The following PDE6A variants were observed in gnomAD, a reference collection of about 807,000 sequenced individuals.
The protein encoded by PDE6A is phosphodiesterase 6A, also known as rod cGMP-specific 3',5'-cyclic phosphodiesterase subunit alpha.
Under a neutral mutation model 106.3 loss-of-function variants are expected in PDE6A, and 84 were observed. That is an observed-to-expected ratio of 0.79 (90% CI 0.66 to 0.95). The LOEUF (loss-of-function observed/expected upper bound fraction) is 0.95, where lower values mean the gene tolerates loss of function less well. PDE6A is among the 40% of genes least tolerant of loss of function. PDE6A has a pLI of 0.00. For missense variants in PDE6A, 1,052 were observed against 1,084.9 expected (o/e 0.97, Z 0.43); for synonymous variants, 394 against 386.6 (o/e 1.02, Z -0.23).
At chr5:149,861,443 GT>G (rs1460051698) in intron 21 of PDE6A, among the ~76,000 whole-genome samples, 3 of 152,250 alleles carry the variant, frequency 2.0e-5, no homozygotes, top group Admixed American at 2.0e-4. Flanking sequence ...GAGCCCAAGA[GT>G]TGGAGGCCAA....
intron 8 of PDE6A, 130 bp from the exon 9 acceptor site, chr5:149,899,654 T>A: frequency 1.1e-6 from 1 of 908,508 alleles, no homozygotes; most frequent in East Asian, 2.4e-5. Flanking sequence ...TCATTGGATT[T>A]CGCATGAGTT....
intron 4 of PDE6A, among the ~76,000 whole-genome samples, chr5:149,925,428 G>T (rs1420575883): frequency 6.6e-6 from 1 of 152,140 alleles, no homozygotes; most frequent in Non-Finnish European, 1.5e-5. Flanking sequence ...GAGAGAGTTA[G>T]CCAGGCAGTG....
chr5:149,943,631 T>A (rs1038901264), intron 1 of PDE6A, among the ~76,000 whole-genome samples: 1 of 152,212 alleles, frequency 6.6e-6, no homozygotes, highest in Non-Finnish European at 1.5e-5. Context: ...GATAATGGTG[T>A]CGTATCCACA....
chr5:149,917,505 G>A (rs1338723005), intron 5 of PDE6A, among the ~76,000 whole-genome samples: 1 of 152,140 alleles, frequency 6.6e-6, no homozygotes, highest in African/African-American at 2.4e-5. Flanking sequence ...ATAAGGGAGA[G>A]GCTCTGCTGC....
rs919752027 is a variant in PDE6A, at chr5:149,863,578, T to C, written c.2359-312A>G. The stretch of plus-strand genomic sequence containing the variant: ...CTCCAAGCAATCCAAATCTCTTAGT[T>C]CCTGGAGTGTGTCCTCCATTCTGTG... On this transcript the variant is annotated intron_variant, in intron 20 of 21. Transcript: ENST00000255266. This position sits in a 1 kb window ranked among gnomAD's most constrained non-coding sequence, Gnocchi z 4.7. Among the ~76,000 whole-genome samples, 2 of 151,884 alleles carry C rather than the reference T, an allele frequency of 1.3e-5. No individual in the cohort carries two copies. Among genetic ancestry groups the C allele is most frequent in the Admixed American group, 1.3e-4 (2 of 15,248 alleles).
At chr5:149,930,219 G>A (rs540649076) in intron 4 of PDE6A, among the ~76,000 whole-genome samples, 2 of 152,328 alleles carry the variant, frequency 1.3e-5, no homozygotes, top group Admixed American at 6.5e-5. Flanking sequence ...TGCCAAGTTT[G>A]GGAGCCTCTG....
intron 1 of PDE6A, 26 bp downstream of exon 1, chr5:149,944,174 C>CCT (rs1176885208): frequency 1.9e-6 from 3 of 1,557,012 alleles, no homozygotes; most frequent in Non-Finnish European, 2.7e-6. Context: ...TGCCCCATGC[C>CCT]CTCTCTCTCA....
chr5:149,900,471 T>C (rs1360253648), intron 8 of PDE6A, among the ~76,000 whole-genome samples: 6 of 148,046 alleles, frequency 4.1e-5, no homozygotes, highest in Admixed American at 3.5e-4. Context: ...GCACAGATCT[T>C]GTCCTCAGGT....
chr5:149,864,868 C>A (rs917020855), intron 20 of PDE6A, among the ~76,000 whole-genome samples: 2 of 152,138 alleles, frequency 1.3e-5, no homozygotes, highest in African/African-American at 4.8e-5. Flanking sequence ...TAATACCTAC[C>A]CCACAGTGTG....
chr5:149,862,362 T>C (rs1371585143), intron 21 of PDE6A, among the ~76,000 whole-genome samples: 1 of 152,204 alleles, frequency 6.6e-6, no homozygotes, highest in Non-Finnish European at 1.5e-5. Flanking sequence ...GAGGATGTCA[T>C]ATAAGATAGT....
At position 149,884,798 on chromosome 5, in the gene PDE6A, T is replaced by G; in HGVS notation, c.1908A>C (p.Lys636Asn). 2 of 1,614,124 alleles carry G rather than the reference T, an allele frequency of 1.2e-6. No homozygotes were observed. Among genetic ancestry groups the G allele is most frequent in the Non-Finnish European group, 1.7e-6 (2 of 1,180,000 alleles). ...ILERHHLEFG[K>N]TLLRDESLNI... Reference sequence around the variant, plus strand: ...ATCCTACCTCGTCTCTGAGCAGTGTTTTGCCAAACTCCAAGTGGTGTCTTT... The same window carrying G: ...ATCCTACCTCGTCTCTGAGCAGTGTGTTGCCAAACTCCAAGTGGTGTCTTT... The change falls in exon 15 of 22, where the codon AAA becomes AAC. Residue 636 changes from lysine to asparagine, a missense_variant. Lys to Asn is a moderately conservative substitution (Grantham distance 94). Coordinates refer to ENST00000255266, the MANE Select transcript of PDE6A (RefSeq NM_000440.3).
chr5:149,934,036 A>C lies in PDE6A; in HGVS notation c.628-17T>G. On this transcript the variant is annotated splice_polypyrimidine_tract_variant and intron_variant, in intron 2 of 21. Transcript: ENST00000255266. The stretch of plus-strand genomic sequence containing the variant: ...GAGAAGAATCTAAAAATCAAACAGC[A>C]TGAGGGGAGGCAGGTGAGAAGAAGA... 1.4e-6 allele frequency: 2 copies of C among 1,402,342 alleles called. No homozygotes were observed. The highest frequency in any genetic ancestry group is 2.0e-6 in the Non-Finnish European group (2 of 988,030). 86.9% of individuals were successfully genotyped at this position (1,402,342 alleles called of 1,614,324 possible). A position where few individuals can be genotyped will look rare whatever the true frequency, so the allele number is the denominator to read the frequency against.
At chr5:149,862,903 A>G (rs1760193679) in intron 21 of PDE6A, among the ~76,000 whole-genome samples, 1 of 152,210 alleles carries the variant, frequency 6.6e-6, no homozygotes, top group South Asian at 2.1e-4. Flanking sequence ...GGAGGCCTGG[A>G]TCGTTCCTCA....
At chr5:149,934,470 A>G in intron 2 of PDE6A, 96 bp downstream of exon 2, 1 of 1,225,712 alleles carries the variant, frequency 8.2e-7, no homozygotes, top group Non-Finnish European at 1.2e-6. Context: ...TACAGATGGG[A>G]AAACTGAGGC....
chr5:149,878,010 T>C (rs188163428), intron 17 of PDE6A, among the ~76,000 whole-genome samples: 5 of 152,344 alleles, frequency 3.3e-5, no homozygotes, highest in Non-Finnish European at 1.5e-5. Flanking sequence ...TCCGTTTGGC[T>C]GCCCAGAGGT....
At chr5:149,925,114 A>G (rs180741570) in intron 4 of PDE6A, among the ~76,000 whole-genome samples, 257 of 152,306 alleles carry the variant, frequency 1.7e-3, no homozygotes, top group Non-Finnish European at 2.8e-3. Context: ...GGAAGATAAC[A>G]TATTTCCATA....
chr5:149,882,263 C>T (rs185397197), intron 17 of PDE6A, among the ~76,000 whole-genome samples: 1 of 151,906 alleles, frequency 6.6e-6, no homozygotes, highest in Non-Finnish European at 1.5e-5. Context: ...CTGCCCCCCC[C>T]GTTTCCGGAG....
In PDE6A at chr5:149,906,062, T is replaced by C. The variant is rs114081994; in HGVS notation, c.1065+1250A>G. On this transcript the variant is annotated intron_variant, in intron 7 of 21. Coordinates refer to ENST00000255266, the MANE Select transcript of PDE6A (RefSeq NM_000440.3). ...TTGTAGAGACGGAGTCTTGGTATGT[T>C]GCCCAAGCTGGTCTCAAACTCCTGG... Among the ~76,000 whole-genome samples, 787 of 151,980 alleles carry C rather than the reference T, an allele frequency of 5.2e-3. 4 individuals are homozygous for C. The highest frequency in any genetic ancestry group is 0.02 in the Middle Eastern group (6 of 294).
intron 4 of PDE6A, among the ~76,000 whole-genome samples, chr5:149,924,719 G>T (rs1561774686): frequency 6.6e-6 from 1 of 152,148 alleles, no homozygotes; most frequent in Non-Finnish European, 1.5e-5. Context: ...TATATAGCCG[G>T]CAAGGCAGCA....
Sources: gnomAD v4.1 joint callset for allele counts (sites outside exome capture counted in the v4.1 genomes callset) on GRCh38, gnomAD v4.1.1 for gene constraint, Gnocchi (gnomAD v3.1) non-coding constraint, MANE v1.5 for transcripts, NCBI Gene and HGNC (gene_info 2026-07-23, HGNC 2026-07-21) for gene names.